SLC66A2: variants seen among roughly 807,000 people sequenced by gnomAD.
The protein encoded by SLC66A2 is solute carrier family 66 member 2.
A neutral mutation model predicts 25.5 loss-of-function variants in SLC66A2; 23 were observed. That is an observed-to-expected ratio of 0.90 (90% confidence interval 0.65 to 1.28). The LOEUF is 1.28. SLC66A2 is among the 50% of genes most tolerant of loss of function. SLC66A2 has a pLI of 0.00. For synonymous variants in SLC66A2, 193 were observed against 166.5 expected (o/e 1.16, Z -1.23); for missense variants, 396 against 373.1 (o/e 1.06, Z -0.51).
intron 5 of SLC66A2, among the ~76,000 whole-genome samples, chr18:79,914,379 A>G (rs12456952): frequency 0.55 from 83,830 of 152,072 alleles, 23,865 homozygotes; most frequent in East Asian, 0.73. Flanking sequence ...AGGGCTGGGG[A>G]TACCACGACG....
intron 2 of SLC66A2, among the ~76,000 whole-genome samples, chr18:79,945,485 G>A (rs1355911491): frequency 6.6e-6 from 1 of 152,138 alleles, no homozygotes; most frequent in Non-Finnish European, 1.5e-5. Flanking sequence ...TATCACCCAG[G>A]TCAGCAGGGG....
rs1313857120 is a variant in SLC66A2 at position 79,940,963 on chromosome 18, T to C, written c.337+2366A>G. Among the ~76,000 whole-genome samples the C allele has an allele frequency of 6.6e-6, 1 of 152,070 alleles. No homozygotes were observed. Among genetic ancestry groups the C allele is most frequent in the Non-Finnish European group, 1.5e-5 (1 of 67,988 alleles). On this transcript the variant is annotated intron_variant, in intron 3 of 5. Coordinates refer to ENST00000397778, the MANE Select transcript of SLC66A2 (RefSeq NM_025078.5). The surrounding 1 kb of genome is among the most constrained non-coding windows in gnomAD (Gnocchi z 4.1). ...GAGGGCAGGCACAGGTCACCCAGGC[T>C]GACCCCAGGAGCCCGGCCCCCTACC... is the stretch of plus-strand genomic sequence containing the variant.
chr18:79,913,606 C>T (rs774963161), intron 5 of SLC66A2, among the ~76,000 whole-genome samples: 13 of 152,218 alleles, frequency 8.5e-5, no homozygotes, highest in African/African-American at 1.7e-4. Flanking sequence ...TGTGCATGCG[C>T]GCACGCGCGC....
At position 79,949,347 on chromosome 18, in the gene SLC66A2, C is replaced by A. The variant is rs139105742; in HGVS notation, c.203+1377G>T. Reference sequence around the variant, plus strand: ...GGGGTGTATTTCATGGAATGCAAATCACACCTCAATAAGGTTGACTTAAAA... The same window carrying A: ...GGGGTGTATTTCATGGAATGCAAATAACACCTCAATAAGGTTGACTTAAAA... On this transcript the variant is annotated intron_variant, in intron 2 of 5. Coordinates refer to ENST00000397778, the MANE Select transcript of SLC66A2 (RefSeq NM_025078.5). Among the ~76,000 whole-genome samples, 15 of 152,272 alleles carry A rather than the reference C, an allele frequency of 9.9e-5. No homozygotes were observed. In the East Asian group the frequency reaches 2.7e-3, roughly 27 times the overall value.
At position 79,951,595 on chromosome 18, in the gene SLC66A2, C is replaced by G. The variant is rs888809228; in HGVS notation, c.-114G>C. 12 of 151,626 alleles carry G rather than the reference C, an allele frequency of 7.9e-5. No individual in the cohort carries two copies. The Admixed American group carries it at 7.9e-4, about 10-fold the overall frequency. The allele number at this position is 151,626 out of a possible 1,614,324, so 9.4% of individuals were successfully genotyped here. ...GCGCTCCTTACCTGCGCCCCCAGCC[C>G]CGCGCCCAGCGCCCCGCGTCCCCGC... is the stretch of plus-strand genomic sequence containing the variant. On this transcript the variant is annotated 5_prime_UTR_variant, in exon 1 of 6. Transcript: ENST00000397778.
In SLC66A2 at chr18:79,941,211, G is replaced by A. The variant is rs1382014092; in HGVS notation, c.337+2118C>T. On this transcript the variant is annotated intron_variant, in intron 3 of 5. Transcript: ENST00000397778. This position sits in a 1 kb window ranked among gnomAD's most constrained non-coding sequence, Gnocchi z 4.1. Reference sequence around the variant, plus strand: ...GGCAGAACTCAGCTCCCCGTGGTCGGGGGCTCTGCTGCCTGTAAAGCGACG... The same window carrying A: ...GGCAGAACTCAGCTCCCCGTGGTCGAGGGCTCTGCTGCCTGTAAAGCGACG... 6.6e-6 allele frequency among the ~76,000 whole-genome samples: 1 copy of A among 152,180 alleles called. No homozygotes were observed. The highest frequency in any genetic ancestry group is 1.5e-5 in the Non-Finnish European group (1 of 68,018).
At chr18:79,906,119 C>G (rs564066433) in intron 5 of SLC66A2, among the ~76,000 whole-genome samples, 1 of 152,254 alleles carries the variant, frequency 6.6e-6, no homozygotes, top group South Asian at 2.1e-4. Flanking sequence ...TCTTCCATAC[C>G]AAATACTGGG....
rs564136690 is a variant in SLC66A2, at chr18:79,928,908, A to G, written c.391+5061T>C. Among the ~76,000 whole-genome samples the G allele has an allele frequency of 2.0e-5, 3 of 151,916 alleles. No homozygotes were observed. The South Asian group carries it at 6.2e-4, about 31-fold the overall frequency. ...CCACACAAGCAGGGGCAAACTAAGA[A>G]GACCAGAGGCAACAACTCACTTCCC... On this transcript the variant is annotated intron_variant, in intron 4 of 5. Coordinates refer to ENST00000397778, the MANE Select transcript of SLC66A2 (RefSeq NM_025078.5).
In SLC66A2 at chr18:79,919,408, G is replaced by T. The variant is rs759563401; in HGVS notation, c.392-8C>A. 3.1e-6 allele frequency: 5 copies of T among 1,611,542 alleles called. No homozygotes were observed. In the Admixed American group the frequency reaches 6.7e-5, roughly 22 times the overall value. ...AGTGGTGGGGGTCGAAGTCTAGGGCGAGAGGGAGAAGCAGCCTCAGCACAG... is the reference window on the plus strand; with the variant it reads ...AGTGGTGGGGGTCGAAGTCTAGGGCTAGAGGGAGAAGCAGCCTCAGCACAG... On this transcript the variant is annotated splice_polypyrimidine_tract_variant and splice_region_variant and intron_variant, in intron 4 of 5. Transcript: ENST00000397778.
intron 4 of SLC66A2, among the ~76,000 whole-genome samples, chr18:79,920,143 G>A (rs74204227): frequency 1.2e-3 from 12 of 9,942 alleles, no homozygotes; most frequent in South Asian, 5.5e-3. Flanking sequence ...GGAGAGGTCA[G>A]GGTCAGTGAG....
chr18:79,951,610 C>T lies in SLC66A2; in HGVS notation c.-129G>A, dbSNP rs1460719429. 2 of 151,614 alleles carry T rather than the reference C, an allele frequency of 1.3e-5. No individual in the cohort carries two copies. Among genetic ancestry groups the T allele is most frequent in the East Asian group, 3.9e-4 (2 of 5,134 alleles). 9.4% of individuals were successfully genotyped at this position (151,614 alleles called of 1,614,324 possible). A position where few individuals can be genotyped will look rare whatever the true frequency, so the allele number is the denominator to read the frequency against. On this transcript the variant is annotated 5_prime_UTR_variant, in exon 1 of 6. Coordinates refer to ENST00000397778, the MANE Select transcript of SLC66A2 (RefSeq NM_025078.5). Reference sequence around the variant, plus strand: ...GCCCCCAGCCCCGCGCCCAGCGCCCCGCGTCCCCGCGCCGCTGACCCGCGC... The same window carrying T: ...GCCCCCAGCCCCGCGCCCAGCGCCCTGCGTCCCCGCGCCGCTGACCCGCGC...
Position 79,904,942 on chromosome 18 carries a change from G to A in SLC66A2, c.609-759C>T, listed in dbSNP as rs1173670621. Among the ~76,000 whole-genome samples the A allele has an allele frequency of 3.9e-5, 6 of 152,306 alleles. No individual in the cohort carries two copies. The East Asian group carries it at 1.2e-3, about 29-fold the overall frequency. On this transcript the variant is annotated intron_variant, in intron 5 of 5. Coordinates refer to ENST00000397778, the MANE Select transcript of SLC66A2 (RefSeq NM_025078.5). The surrounding 1 kb of genome is among the most constrained non-coding windows in gnomAD (Gnocchi z 6.3). The stretch of plus-strand genomic sequence containing the variant: ...GTGGGGAGCGCTGCCTGGACAGAAA[G>A]GACAGGACACAGCCCTCCCCCACCC...
In SLC66A2 at chr18:79,941,859, C is replaced by T. The variant is rs1568334216; in HGVS notation, c.337+1470G>A. 6.6e-6 allele frequency: 1 copy of T among 151,896 alleles called. No individual in the cohort carries two copies. Among genetic ancestry groups the T allele is most frequent in the African/African-American group, 2.4e-5 (1 of 41,334 alleles). 9.4% of individuals were successfully genotyped at this position (151,896 alleles called of 1,614,324 possible). ...AGGACAGCAGAAACACCCAGCAACG[C>T]ACTGGGCATCTTAGGCACAAATGTC... On this transcript the variant is annotated intron_variant, in intron 3 of 5. Coordinates refer to ENST00000397778, the MANE Select transcript of SLC66A2 (RefSeq NM_025078.5). The surrounding 1 kb of genome is among the most constrained non-coding windows in gnomAD (Gnocchi z 4.1).
intron 4 of SLC66A2, among the ~76,000 whole-genome samples, chr18:79,924,062 G>A (rs949495813): frequency 2.0e-5 from 3 of 151,422 alleles, no homozygotes; most frequent in Non-Finnish European, 4.4e-5. Context: ...AGGCACTGGC[G>A]AGCTTAACCG....
Position 79,948,426 on chromosome 18 carries a change from G to A in SLC66A2, c.203+2298C>T, listed in dbSNP as rs903704654. 3.3e-5 allele frequency among the ~76,000 whole-genome samples: 5 copies of A among 152,126 alleles called. No individual in the cohort carries two copies. The South Asian group carries it at 6.2e-4, about 19-fold the overall frequency. ...CTGGAGGACAGCTCACTGCAGCCTC[G>A]AATTCCTGGGCTTAAGTGATCCTCC... On this transcript the variant is annotated intron_variant, in intron 2 of 5. Coordinates refer to ENST00000397778, the MANE Select transcript of SLC66A2 (RefSeq NM_025078.5).
intron 2 of SLC66A2, chr18:79,943,758 C>G (rs960114640): frequency 3.2e-6 from 1 of 311,866 alleles, no homozygotes; most frequent in Non-Finnish European, 6.0e-6. Context: ...ACCCATGCCG[C>G]CTCTCCTGGT....
chr18:79,903,748 C>A lies in SLC66A2; in HGVS notation c.*228G>T, dbSNP rs1174536728. 1.9e-6 allele frequency: 1 copy of A among 525,950 alleles called. No homozygotes were observed. Among genetic ancestry groups the A allele is most frequent in the Non-Finnish European group, 3.3e-6 (1 of 302,898 alleles). The allele number at this position is 525,950 out of a possible 1,614,324, so 32.6% of individuals were successfully genotyped here. On this transcript the variant is annotated 3_prime_UTR_variant, in exon 6 of 6. Transcript: ENST00000397778. ...TATGTCATCCTAAAAACATCCAAAACCCTCGGGGCCAGATCAACCCTGGCT... is the reference window on the plus strand; with the variant it reads ...TATGTCATCCTAAAAACATCCAAAAACCTCGGGGCCAGATCAACCCTGGCT...
chr18:79,950,942 G>C lies in SLC66A2; in HGVS notation c.-16C>G. The C allele has an allele frequency of 1.3e-6, 2 of 1,525,794 alleles. No homozygotes were observed. The highest frequency in any genetic ancestry group is 2.4e-5 in the South Asian group (2 of 83,292). The allele number at this position is 1,525,794 out of a possible 1,614,324, so 94.5% of individuals were successfully genotyped here. A position where few individuals can be genotyped will look rare whatever the true frequency, so the allele number is the denominator to read the frequency against. On this transcript the variant is annotated 5_prime_UTR_variant, in exon 2 of 6. Coordinates refer to ENST00000397778, the MANE Select transcript of SLC66A2 (RefSeq NM_025078.5). ...CGGCCTCCATCGCAGCGCCCGCCTGGCCGAGGCTGTCACGGGCTCCGCGCC... is the reference window on the plus strand; with the variant it reads ...CGGCCTCCATCGCAGCGCCCGCCTGCCCGAGGCTGTCACGGGCTCCGCGCC...
In SLC66A2 at chr18:79,904,230, T is replaced by G; in HGVS notation, c.609-47A>C. The G allele has an allele frequency of 6.4e-7, 1 of 1,555,074 alleles. No individual in the cohort carries two copies. The stretch of plus-strand genomic sequence containing the variant: ...GTCAGCGGTGGGGAGGGCGGCGACC[T>G]GGGCTCAGTCAGTGGGGAGGCCTGG... On this transcript the variant is annotated intron_variant, in intron 5 of 5. Transcript: ENST00000397778. This position sits in a 1 kb window ranked among gnomAD's most constrained non-coding sequence, Gnocchi z 6.3.
Sources: allele counts gnomAD v4.1 joint callset (sites outside exome capture counted in the v4.1 genomes callset), GRCh38; gene constraint gnomAD v4.1.1; non-coding constraint Gnocchi (gnomAD v3.1); transcripts MANE v1.5; gene names NCBI Gene and HGNC (gene_info 2026-07-23, HGNC 2026-07-21).